TIFA: variants seen among roughly 807,000 people sequenced by gnomAD.
The protein encoded by TIFA is TRAF-interacting protein with FHA domain-containing protein A.
For synonymous variants in TIFA, 75 were observed against 79.2 expected, an observed-to-expected ratio of 0.95 and a Z score of 0.28; for missense variants, 186 against 215.2, an observed-to-expected ratio of 0.86 and a Z score of 0.85.
rs1458369440 is a variant in TIFA, at chr4:112,274,841, T to G, written c.*3021A>C. 1 of 152,180 alleles carries G rather than the reference T, an allele frequency of 6.6e-6. No homozygotes were observed. Among genetic ancestry groups the G allele is most frequent in the East Asian group, 1.9e-4 (1 of 5,198 alleles). The allele number at this position is 152,180 out of a possible 1,614,324, so 9.4% of individuals were successfully genotyped here. On this transcript the variant is annotated 3_prime_UTR_variant, in exon 2 of 2. Coordinates refer to ENST00000361717, the MANE Select transcript of TIFA (RefSeq NM_052864.3). Reference sequence around the variant, plus strand: ...ACTTACTTTTAAGTCAGTTACTGCATTAGATAGTAGGAACAGAATTCTCTA... The same window carrying G: ...ACTTACTTTTAAGTCAGTTACTGCAGTAGATAGTAGGAACAGAATTCTCTA...
In TIFA at chr4:112,276,864, T is replaced by G. The variant is rs566163563; in HGVS notation, c.*998A>C. The G allele has an allele frequency of 6.6e-6, 1 of 152,330 alleles. No homozygotes were observed. Among genetic ancestry groups the G allele is most frequent in the South Asian group, 2.1e-4 (1 of 4,822 alleles). 9.4% of individuals were successfully genotyped at this position (152,330 alleles called of 1,614,324 possible). A position where few individuals can be genotyped will look rare whatever the true frequency, so the allele number is the denominator to read the frequency against. ...GCTACAATTTAACTTAACTGAATGG[T>G]TACCTCATCTACTTAACATTCATAG... On this transcript the variant is annotated 3_prime_UTR_variant, in exon 2 of 2. Coordinates refer to ENST00000361717, the MANE Select transcript of TIFA (RefSeq NM_052864.3).
intron 1 of TIFA, among the ~76,000 whole-genome samples, chr4:112,279,037 TG>T (rs1727175922): frequency 1.3e-5 from 2 of 152,272 alleles, no homozygotes; most frequent in Non-Finnish European, 2.9e-5. Context: ...ATGCTTTAAA[TG>T]GTTATTTTAT....
Position 112,277,075 on chromosome 4 carries a change from A to C in TIFA, c.*787T>G, listed in dbSNP as rs1019954373. 6.6e-6 allele frequency: 1 copy of C among 152,190 alleles called. No homozygotes were observed. Among genetic ancestry groups the C allele is most frequent in the Non-Finnish European group, 1.5e-5 (1 of 68,024 alleles). The allele number at this position is 152,190 out of a possible 1,614,324, so 9.4% of individuals were successfully genotyped here. The stretch of plus-strand genomic sequence containing the variant: ...TTTCCCTTATTTAGAAAAAAATTCA[A>C]AGAAAATGGCTAATTAAACTTTGAT... On this transcript the variant is annotated 3_prime_UTR_variant, in exon 2 of 2. Coordinates refer to ENST00000361717, the MANE Select transcript of TIFA (RefSeq NM_052864.3).
In TIFA at chr4:112,277,690, T is replaced by TAAAA; in HGVS notation, c.*171_*172insTTTT. 1 of 513,634 alleles carries TAAAA rather than the reference T, an allele frequency of 1.9e-6. No homozygotes were observed. The highest frequency in any genetic ancestry group is 5.0e-5 in the South Asian group (1 of 19,992). The allele number at this position is 513,634 out of a possible 1,614,324, so 31.8% of individuals were successfully genotyped here. ...GTAGATCCAGAATACAACAGGTGAC[T>TAAAA]AAGTTAATGACTAACACAATTTACA... is the stretch of plus-strand genomic sequence containing the variant. On this transcript the variant is annotated 3_prime_UTR_variant, in exon 2 of 2. Transcript: ENST00000361717.
At chr4:112,283,980 GACAA>G (rs1267320999) in intron 1 of TIFA, among the ~76,000 whole-genome samples, 5 of 152,188 alleles carry the variant, frequency 3.3e-5, no homozygotes, top group Non-Finnish European at 2.9e-5. Context: ...ATTAATATCT[GACAA>G]ACAATAATAT....
chr4:112,277,671 C>CTAGGTGGTAG lies in TIFA; in HGVS notation c.*190_*191insCTACCACCTA. On this transcript the variant is annotated 3_prime_UTR_variant, in exon 2 of 2. Transcript: ENST00000361717. ...GCAGTTAAAATAATTTTGTGTAGAT[C>CTAGGTGGTAG]CAGAATACAACAGGTGACTAAGTTA... The CTAGGTGGTAG allele has an allele frequency of 1.2e-5, 5 of 409,576 alleles. No homozygotes were observed. The highest frequency in any genetic ancestry group is 6.8e-5 in the South Asian group (1 of 14,772). 25.4% of individuals were successfully genotyped at this position (409,576 alleles called of 1,614,324 possible).
chr4:112,278,857 A>G (rs548024349), intron 1 of TIFA, among the ~76,000 whole-genome samples: 1 of 152,334 alleles, frequency 6.6e-6, no homozygotes, highest in Non-Finnish European at 1.5e-5. Context: ...CCTTCAGAGG[A>G]TATATACATA....
Position 112,277,007 on chromosome 4 carries a change from A to G in TIFA, c.*855T>C, listed in dbSNP as rs1394678481. 2.0e-5 allele frequency: 3 copies of G among 152,250 alleles called. No homozygotes were observed. Among genetic ancestry groups the G allele is most frequent in the Non-Finnish European group, 4.4e-5 (3 of 68,046 alleles). 9.4% of individuals were successfully genotyped at this position (152,250 alleles called of 1,614,324 possible). A position where few individuals can be genotyped will look rare whatever the true frequency, so the allele number is the denominator to read the frequency against. On this transcript the variant is annotated 3_prime_UTR_variant, in exon 2 of 2. Transcript: ENST00000361717. ...AAATATTTAAGCGTTTATCATAAAC[A>G]TTCACATACATTTATCTCTGTAAAG...
chr4:112,277,611 A>G lies in TIFA; in HGVS notation c.*251T>C. 3.1e-6 allele frequency: 1 copy of G among 326,772 alleles called. No individual in the cohort carries two copies. 20.2% of individuals were successfully genotyped at this position (326,772 alleles called of 1,614,324 possible). On this transcript the variant is annotated 3_prime_UTR_variant, in exon 2 of 2. Transcript: ENST00000361717. ...AGAACACGACTTCATCTCAAAGGAT[A>G]CTTTTTGTATATTAATCCTCACAGA...
Position 112,277,915 on chromosome 4 carries a change from G to A in TIFA, c.502C>T (p.Leu168Phe), listed in dbSNP as rs372161211. 8.7e-5 allele frequency: 140 copies of A among 1,612,756 alleles called. No homozygotes were observed. Among genetic ancestry groups the A allele is most frequent in the Non-Finnish European group, 1.1e-4 (134 of 1,179,644 alleles). Residue 168 changes from leucine to phenylalanine, a missense_variant, in exon 2 of 2, where the codon CTC (leucine) becomes TTC (phenylalanine). Transcript: ENST00000361717. The part of the protein sequence containing the change: ...RPIPEYGTYS[L>F]CSSQSSSPTE... ...GGAGAACTGCTTTGGGAGGAGCAGA[G>A]CGAATAAGTGCCATACTCCGGTATG...
intron 1 of TIFA, among the ~76,000 whole-genome samples, chr4:112,284,290 A>AACACAC (rs10522966): frequency 1.3e-5 from 2 of 149,816 alleles, no homozygotes; most frequent in Non-Finnish European, 3.0e-5. Context: ...CCTGCAACAC[A>AACACAC]ACACACACAC....
chr4:112,277,813 T>C lies in TIFA; in HGVS notation c.*49A>G, dbSNP rs576495457. On this transcript the variant is annotated 3_prime_UTR_variant, in exon 2 of 2. Coordinates refer to ENST00000361717, the MANE Select transcript of TIFA (RefSeq NM_052864.3). Reference sequence around the variant, plus strand: ...ACTCTTATTTAGTGTCTATACAGCATCTACAGAGCTCTTCATCCATCATAT... The same window carrying C: ...ACTCTTATTTAGTGTCTATACAGCACCTACAGAGCTCTTCATCCATCATAT... 6.6e-7 allele frequency: 1 copy of C among 1,507,416 alleles called. No homozygotes were observed. Among genetic ancestry groups the C allele is most frequent in the Admixed American group, 2.2e-5 (1 of 45,482 alleles). 93.4% of individuals were successfully genotyped at this position (1,507,416 alleles called of 1,614,324 possible). A position where few individuals can be genotyped will look rare whatever the true frequency, so the allele number is the denominator to read the frequency against.
rs996769716 is a variant in TIFA at position 112,275,640 on chromosome 4, T to C, written c.*2222A>G. 6 of 152,198 alleles carry C rather than the reference T, an allele frequency of 3.9e-5. No individual in the cohort carries two copies. The highest frequency in any genetic ancestry group is 1.4e-4 in the African/African-American group (6 of 41,458). The allele number at this position is 152,198 out of a possible 1,614,324, so 9.4% of individuals were successfully genotyped here. A position where few individuals can be genotyped will look rare whatever the true frequency, so the allele number is the denominator to read the frequency against. Reference sequence around the variant, plus strand: ...AGAAAAGAAAATAGAATAAAAAATTTAATATTTCTCAAGTTGAACAAAACC... The same window carrying C: ...AGAAAAGAAAATAGAATAAAAAATTCAATATTTCTCAAGTTGAACAAAACC... On this transcript the variant is annotated 3_prime_UTR_variant, in exon 2 of 2. Coordinates refer to ENST00000361717, the MANE Select transcript of TIFA (RefSeq NM_052864.3).
rs535203005 is a variant in TIFA, at chr4:112,277,692, A to C, written c.*170T>G. 1,457 of 529,974 alleles carry C rather than the reference A, an allele frequency of 2.7e-3. 4 individuals are homozygous for C. Among genetic ancestry groups the C allele is most frequent in the Non-Finnish European group, 3.3e-3 (1,096 of 330,996 alleles). The allele number at this position is 529,974 out of a possible 1,614,324, so 32.8% of individuals were successfully genotyped here. The stretch of plus-strand genomic sequence containing the variant: ...AGATCCAGAATACAACAGGTGACTA[A>C]GTTAATGACTAACACAATTTACAGA... On this transcript the variant is annotated 3_prime_UTR_variant, in exon 2 of 2. Transcript: ENST00000361717.
chr4:112,285,200 G>A (rs1234919384), intron 1 of TIFA, among the ~76,000 whole-genome samples: 1 of 151,982 alleles, frequency 6.6e-6, no homozygotes, highest in Non-Finnish European at 1.5e-5. Context: ...CAAGGACCTC[G>A]GCACTCCAGG....
At position 112,277,837 on chromosome 4, in the gene TIFA, A is replaced by T; in HGVS notation, c.*25T>A. 1 of 1,557,340 alleles carries T rather than the reference A, an allele frequency of 6.4e-7. No individual in the cohort carries two copies. Among genetic ancestry groups the T allele is most frequent in the South Asian group, 1.2e-5 (1 of 80,516 alleles). ...ATCTACAGAGCTCTTCATCCATCAT[A>T]TTTCTCCTCTTAGACTTTCTGTGTT... On this transcript the variant is annotated 3_prime_UTR_variant, in exon 2 of 2. Coordinates refer to ENST00000361717, the MANE Select transcript of TIFA (RefSeq NM_052864.3).
rs1186596230 is a variant in TIFA at position 112,277,848 on chromosome 4, T to TA, written c.*13dup. Reference sequence around the variant, plus strand: ...TCTTCATCCATCATATTTCTCCTCTTAGACTTTCTGTGTTCATGACTCATT... The same window carrying TA: ...TCTTCATCCATCATATTTCTCCTCTTAAGACTTTCTGTGTTCATGACTCATT... On this transcript the variant is annotated 3_prime_UTR_variant, in exon 2 of 2. Coordinates refer to ENST00000361717, the MANE Select transcript of TIFA (RefSeq NM_052864.3). 6.4e-7 allele frequency: 1 copy of TA among 1,572,802 alleles called. No homozygotes were observed.
rs942226448 is a variant in TIFA, at chr4:112,274,671, A to G, written c.*3191T>C. 1 of 152,234 alleles carries G rather than the reference A, an allele frequency of 6.6e-6. No individual in the cohort carries two copies. The allele number at this position is 152,234 out of a possible 1,614,324, so 9.4% of individuals were successfully genotyped here. On this transcript the variant is annotated 3_prime_UTR_variant, in exon 2 of 2. Transcript: ENST00000361717. ...TTAACAGTAGTTCTCTTCTGGTAGT[A>G]AGATTATGGCTAATTTTTCTACAAG...
Position 112,275,875 on chromosome 4 carries a change from A to C in TIFA, c.*1987T>G, listed in dbSNP as rs528270197. ...ATAGTCAAAATGTGACAGTATACAC[A>C]CATTAAAGTATATACACTTCACTCA... On this transcript the variant is annotated 3_prime_UTR_variant, in exon 2 of 2. Transcript: ENST00000361717. The C allele has an allele frequency of 5.3e-5, 8 of 152,340 alleles. No individual in the cohort carries two copies. The East Asian group carries it at 1.5e-3, about 29-fold the overall frequency. The allele number at this position is 152,340 out of a possible 1,614,324, so 9.4% of individuals were successfully genotyped here.
Sources: allele counts gnomAD v4.1 joint callset (sites outside exome capture counted in the v4.1 genomes callset), GRCh38; gene constraint gnomAD v4.1.1; transcripts MANE v1.5; gene names NCBI Gene and HGNC (gene_info 2026-07-23, HGNC 2026-07-21).